Variants in PTPRN2 observed in about 807,000 individuals in gnomAD.
PTPRN2 encodes protein tyrosine phosphatase receptor type N2.
PTPRN2 carries 74 observed loss-of-function variants against 118.8 expected under a neutral mutation model. The observed-to-expected ratio is 0.62, with a 90% CI of 0.52 to 0.76. PTPRN2 has a LOEUF of 0.76. Ranked by LOEUF, PTPRN2 falls within the 30% of genes least tolerant of loss-of-function variation. PTPRN2 has a pLI of 0.00. For synonymous variants in PTPRN2, 641 were observed against 608.0 expected (o/e 1.05, Z -0.80); for missense variants, 1,481 against 1,394.4 (o/e 1.06, Z -0.99).
chr7:157,978,643 G>A (rs953693000), intron 11 of PTPRN2, among the ~76,000 whole-genome samples: 1 of 151,904 alleles, frequency 6.6e-6, no homozygotes, highest in African/African-American at 2.4e-5. Context: ...TTGCTCAGAG[G>A]TGAGCAGCTG....
chr7:157,912,188 T>C (rs932744148), intron 11 of PTPRN2, among the ~76,000 whole-genome samples: 5 of 152,248 alleles, frequency 3.3e-5, no homozygotes, highest in Admixed American at 2.0e-4. Flanking sequence ...CGTGTGCTCA[T>C]TGGTTTAAGC....
chr7:157,559,933 AC>A (rs1799096272), intron 21 of PTPRN2, among the ~76,000 whole-genome samples: 1 of 151,786 alleles, frequency 6.6e-6, no homozygotes, highest in Admixed American at 6.6e-5. Context: ...GCGTGGTCTG[AC>A]CCCTAAATGT....
chr7:158,520,465 G>C (rs1354395280), intron 1 of PTPRN2, among the ~76,000 whole-genome samples: 1 of 152,178 alleles, frequency 6.6e-6, no homozygotes, highest in Non-Finnish European at 1.5e-5. Context: ...ACAGTTTCTA[G>C]ACGAGTCTTT....
At chr7:158,092,198 A>G (rs1432650664) in intron 10 of PTPRN2, among the ~76,000 whole-genome samples, 1 of 150,010 alleles carries the variant, frequency 6.7e-6, no homozygotes, top group Non-Finnish European at 1.5e-5. Context: ...ATACATGTAT[A>G]TGTGTGCATA....
intron 12 of PTPRN2, among the ~76,000 whole-genome samples, chr7:157,687,322 T>C (rs1797246832): frequency 6.6e-6 from 1 of 152,136 alleles, no homozygotes; most frequent in Non-Finnish European, 1.5e-5. Flanking sequence ...CAAAACTTTA[T>C]GGTAAATATG....
In PTPRN2 at chr7:157,901,390, G is replaced by A. The variant is rs538576364; in HGVS notation, c.1724-2653C>T. Among the ~76,000 whole-genome samples the A allele has an allele frequency of 1.7e-3, 254 of 151,804 alleles. 1 individual carries two copies. The highest frequency in any genetic ancestry group is 1.9e-3 in the Non-Finnish European group (131 of 67,888). ...TTTCAACATGAGGCATGGCGGGGCCGAACCAACCAGATACAGAGTTGCAGG... is the reference window on the plus strand; with the variant it reads ...TTTCAACATGAGGCATGGCGGGGCCAAACCAACCAGATACAGAGTTGCAGG... On this transcript the variant is annotated intron_variant, in intron 11 of 22. Coordinates refer to ENST00000389418, the MANE Select transcript of PTPRN2 (RefSeq NM_002847.5).
intron 3 of PTPRN2, among the ~76,000 whole-genome samples, chr7:158,244,802 G>A (rs1233142076): frequency 1.4e-5 from 2 of 144,042 alleles, no homozygotes; most frequent in Admixed American, 1.4e-4. Context: ...AGTGTGAGTT[G>A]TGTGTGAGAG....
chr7:157,824,083 A>G (rs1807019319), intron 12 of PTPRN2, among the ~76,000 whole-genome samples: 1 of 152,182 alleles, frequency 6.6e-6, no homozygotes, highest in Non-Finnish European at 1.5e-5. Flanking sequence ...TGCCATCAGT[A>G]ACAATCCCCC....
intron 12 of PTPRN2, among the ~76,000 whole-genome samples, chr7:157,758,759 C>T (rs1463563800): frequency 6.6e-6 from 1 of 152,182 alleles, no homozygotes; most frequent in Non-Finnish European, 1.5e-5. Context: ...CCCAGCTCCC[C>T]ACGCTACCCC....
chr7:158,579,085 G>A (rs543208676), intron 1 of PTPRN2, among the ~76,000 whole-genome samples: 51 of 152,220 alleles, frequency 3.4e-4, no homozygotes, highest in South Asian at 8.3e-4. Context: ...TTTTATTCAA[G>A]GGCTTTACAG....
rs1046224599 is a variant in PTPRN2 at position 158,570,426 on chromosome 7, C to A, written c.112+17132G>T. ...GGACAGAACCGAGCGCCCTCCAGCA[C>A]CCTCTCCCACCATCCATCCTCACAG... On this transcript the variant is annotated intron_variant, in intron 1 of 22. Transcript: ENST00000389418. This position sits in a 1 kb window ranked among gnomAD's most constrained non-coding sequence, Gnocchi z 4.5. 7.2e-5 allele frequency among the ~76,000 whole-genome samples: 11 copies of A among 152,216 alleles called. No individual in the cohort carries two copies. Among genetic ancestry groups the A allele is most frequent in the African/African-American group, 2.7e-4 (11 of 41,464 alleles).
chr7:157,579,178 T>A (rs576898447), intron 17 of PTPRN2, among the ~76,000 whole-genome samples: 26 of 152,370 alleles, frequency 1.7e-4, no homozygotes, highest in African/African-American at 6.0e-4. Flanking sequence ...TTTCCTTTTT[T>A]AATATTGATT....
At chr7:158,490,350 G>A (rs1821356157) in intron 1 of PTPRN2, among the ~76,000 whole-genome samples, 1 of 152,212 alleles carries the variant, frequency 6.6e-6, no homozygotes, top group Admixed American at 6.5e-5. Flanking sequence ...AGACGGGCAG[G>A]AAAGGCCAGC....
Position 158,015,007 on chromosome 7 carries a change from T to A in PTPRN2, c.1723+66291A>T, listed in dbSNP as rs892737. 0.14 allele frequency among the ~76,000 whole-genome samples: 21,528 copies of A among 152,204 alleles called. 1,563 individuals carry two copies. The highest frequency in any genetic ancestry group is 0.17 in the Admixed American group (2,552 of 15,296). On this transcript the variant is annotated intron_variant, in intron 11 of 22. Transcript: ENST00000389418. The surrounding 1 kb of genome is among the most constrained non-coding windows in gnomAD (Gnocchi z 4.2). ...TTTTTAAGAGAATAAGAACTTCTCC[T>A]GAATATCATCTTTTCCCTTTTTGCT...
In PTPRN2 at chr7:158,093,260, G is replaced by A. The variant is rs537280263; in HGVS notation, c.1644-11883C>T. Among the ~76,000 whole-genome samples, 2 of 132,050 alleles carry A rather than the reference G, an allele frequency of 1.5e-5. No homozygotes were observed. Among genetic ancestry groups the A allele is most frequent in the East Asian group, 2.2e-4 (1 of 4,494 alleles). The allele number at this position is 132,050 out of a possible 152,430, so 86.6% of individuals were successfully genotyped here. A position where few individuals can be genotyped will look rare whatever the true frequency, so the allele number is the denominator to read the frequency against. On this transcript the variant is annotated intron_variant, in intron 10 of 22. Transcript: ENST00000389418. This position sits in a 1 kb window ranked among gnomAD's most constrained non-coding sequence, Gnocchi z 4.4. ...GTAGACCCACACGCAGGCCTGCACC[G>A]TCCTTTCCTGACTCTGCCGCTGGAC...
rs1322071267 is a variant in PTPRN2, at chr7:157,540,791, G to A, written c.2977-6C>T. 3 of 1,558,262 alleles carry A rather than the reference G, an allele frequency of 1.9e-6. No homozygotes were observed. The highest frequency in any genetic ancestry group is 2.6e-6 in the Non-Finnish European group (3 of 1,150,432). On this transcript the variant is annotated splice_polypyrimidine_tract_variant and splice_region_variant and intron_variant, in intron 22 of 22. Transcript: ENST00000389418. Reference sequence around the variant, plus strand: ...AGCGCGAACTCAAACTGCTCCTGCAGGGCGAGAAACGAGAGAAGTGCCAAT... The same window carrying A: ...AGCGCGAACTCAAACTGCTCCTGCAAGGCGAGAAACGAGAGAAGTGCCAAT...
chr7:157,712,229 T>C lies in PTPRN2; in HGVS notation c.1789-29292A>G, dbSNP rs145390941. ...TTGCTCAGATCTTTGATTAAGAAAA[T>C]AGAAATCAGGCATTTGTATTATTTA... On this transcript the variant is annotated intron_variant, in intron 12 of 22. Coordinates refer to ENST00000389418, the MANE Select transcript of PTPRN2 (RefSeq NM_002847.5). Among the ~76,000 whole-genome samples, 727 of 152,222 alleles carry C rather than the reference T, an allele frequency of 4.8e-3. 3 individuals are homozygous for C. Among genetic ancestry groups the C allele is most frequent in the Non-Finnish European group, 7.9e-3 (535 of 67,988 alleles).
In PTPRN2 at chr7:158,176,781, A is replaced by G. The variant is rs527425985; in HGVS notation, c.550-9490T>C. On this transcript the variant is annotated intron_variant, in intron 5 of 22. Coordinates refer to ENST00000389418, the MANE Select transcript of PTPRN2 (RefSeq NM_002847.5). ...AGAGCTCCGCTTCCCACCAAAGGTC[A>G]TAAGAACAATCACATGAGGGGGCAA... Among the ~76,000 whole-genome samples the G allele has an allele frequency of 7.3e-4, 112 of 152,388 alleles. 1 individual carries two copies. The highest frequency in any genetic ancestry group is 2.5e-3 in the African/African-American group (104 of 41,596).
At chr7:157,792,544 G>A (rs1018888888) in intron 12 of PTPRN2, among the ~76,000 whole-genome samples, 14 of 152,342 alleles carry the variant, frequency 9.2e-5, no homozygotes, top group Admixed American at 8.5e-4. Context: ...GCTCCTGCAC[G>A]TCCAGGGCAT....
Sources: gnomAD v4.1 joint callset for allele counts (sites outside exome capture counted in the v4.1 genomes callset) on GRCh38, gnomAD v4.1.1 for gene constraint, Gnocchi (gnomAD v3.1) non-coding constraint, MANE v1.5 for transcripts, NCBI Gene and HGNC (gene_info 2026-07-23, HGNC 2026-07-21) for gene names.